Variants in SNTG1 observed in about 807,000 individuals in gnomAD.
SNTG1 encodes syntrophin gamma 1.
SNTG1 carries 39 observed loss-of-function variants against 74.7 expected under a neutral mutation model. The ratio of observed to expected loss-of-function variants is 0.52; its 90% confidence interval spans 0.40 to 0.68. The LOEUF (loss-of-function observed/expected upper bound fraction) is 0.68, where lower values mean the gene tolerates loss of function less well. Among genes scored for constraint, SNTG1 ranks in the 30% least tolerant of loss-of-function variants. The pLI, the probability that SNTG1 is intolerant of heterozygous loss-of-function variation, is 0.00. For synonymous variants in SNTG1, 254 were observed against 217.1 expected, an observed-to-expected ratio of 1.17 and a Z score of -1.49; for missense variants, 685 against 609.5, an observed-to-expected ratio of 1.12 and a Z score of -1.30.
intron 2 of SNTG1, among the ~76,000 whole-genome samples, chr8:50,210,057 T>C (rs1044516979): frequency 2.0e-5 from 3 of 152,124 alleles, no homozygotes; most frequent in African/African-American, 7.2e-5. Context: ...CTGAAAACCA[T>C]GGCACGAGAA....
At chr8:49,929,301 A>G (rs1807332461) in intron 1 of SNTG1, among the ~76,000 whole-genome samples, 1 of 152,198 alleles carries the variant, frequency 6.6e-6, no homozygotes, top group Admixed American at 6.5e-5. Context: ...GACATGATAA[A>G]GGCCAGTGAC....
chr8:50,003,218 C>A (rs1248684093), intron 1 of SNTG1, among the ~76,000 whole-genome samples: 1 of 152,242 alleles, frequency 6.6e-6, no homozygotes, highest in South Asian at 2.1e-4. Context: ...CTGAGTTGTA[C>A]ACTTAAAAGG....
chr8:50,624,223 A>G (rs775680243), intron 13 of SNTG1, among the ~76,000 whole-genome samples: 70 of 152,236 alleles, frequency 4.6e-4, no homozygotes, highest in Non-Finnish European at 7.1e-4. Context: ...TGTTAGAGTA[A>G]CCACTACTGA....
At chr8:50,436,992 G>T (rs2093310428) in intron 4 of SNTG1, among the ~76,000 whole-genome samples, 1 of 152,072 alleles carries the variant, frequency 6.6e-6, no homozygotes, top group Non-Finnish European at 1.5e-5. Flanking sequence ...AGACTTTGTG[G>T]TAGTATTTAA....
chr8:50,112,658 G>A (rs1309898604), intron 1 of SNTG1, among the ~76,000 whole-genome samples: 1 of 151,566 alleles, frequency 6.6e-6, no homozygotes, highest in African/African-American at 2.4e-5. Flanking sequence ...GAGTAGCTGG[G>A]ATTACAGGCC....
At chr8:50,305,624 T>C (rs887921404) in intron 2 of SNTG1, among the ~76,000 whole-genome samples, 3 of 151,932 alleles carry the variant, frequency 2.0e-5, no homozygotes, top group Middle Eastern at 3.2e-3. Flanking sequence ...TTTTTTCCAA[T>C]GTGGAATTTC....
intron 12 of SNTG1, among the ~76,000 whole-genome samples, chr8:50,578,593 G>GACCT (rs1348161649): frequency 1.3e-5 from 2 of 152,154 alleles, no homozygotes; most frequent in Non-Finnish European, 2.9e-5. Context: ...TTGTGGGAGG[G>GACCT]ACCTGATTGT....
intron 1 of SNTG1, among the ~76,000 whole-genome samples, chr8:49,929,817 T>A (rs1012284316): frequency 6.6e-6 from 1 of 151,060 alleles, no homozygotes; most frequent in Non-Finnish European, 1.5e-5. Flanking sequence ...CTGCACCCAC[T>A]AACTCGTCAT....
intron 2 of SNTG1, among the ~76,000 whole-genome samples, chr8:50,307,198 G>C (rs2089935631): frequency 6.6e-6 from 1 of 151,984 alleles, no homozygotes; most frequent in Non-Finnish European, 1.5e-5. Context: ...TCAATCTCTT[G>C]ATTAACCTAT....
intron 5 of SNTG1, among the ~76,000 whole-genome samples, chr8:50,439,638 T>A (rs1224231232): frequency 6.6e-6 from 1 of 151,732 alleles, no homozygotes; most frequent in East Asian, 1.9e-4. Flanking sequence ...CAGGGAGGCA[T>A]GCAGAACAGA....
intron 4 of SNTG1, among the ~76,000 whole-genome samples, chr8:50,405,289 T>C (rs2092858313): frequency 6.6e-6 from 1 of 152,096 alleles, no homozygotes; most frequent in African/African-American, 2.4e-5. Context: ...GGTTCCAAGT[T>C]CTCCACATTC....
Position 50,454,829 on chromosome 8 carries a change from T to TAA in SNTG1, c.363+4121_363+4122dup, listed in dbSNP as rs1158732952. The stretch of plus-strand genomic sequence containing the variant: ...TGCACTCCAGCCTGTCAGACAGAGC[T>TAA]AAAAAAAAAAAAAAAAAAAAAAGAA... On this transcript the variant is annotated intron_variant, in intron 8 of 18. Coordinates refer to ENST00000642720, the MANE Select transcript of SNTG1 (RefSeq NM_018967.5). Among the ~76,000 whole-genome samples the TAA allele has an allele frequency of 6.8e-3, 644 of 95,110 alleles. 30 individuals are homozygous for TAA. Among genetic ancestry groups the TAA allele is most frequent in the East Asian group, 0.035 (101 of 2,926 alleles). 62.4% of individuals were successfully genotyped at this position (95,110 alleles called of 152,430 possible).
intron 1 of SNTG1, among the ~76,000 whole-genome samples, chr8:50,076,872 T>C (rs1563558473): frequency 6.6e-6 from 1 of 152,154 alleles, no homozygotes; most frequent in Non-Finnish European, 1.5e-5. Flanking sequence ...AGTGTGTTTT[T>C]AAAAAACATT....
intron 1 of SNTG1, among the ~76,000 whole-genome samples, chr8:50,087,500 A>G (rs768165651): frequency 6.6e-6 from 1 of 152,176 alleles, no homozygotes; most frequent in Admixed American, 6.5e-5. Context: ...CTTTTCTTGC[A>G]TACCTCTTCC....
intron 8 of SNTG1, among the ~76,000 whole-genome samples, chr8:50,476,833 C>T (rs1190648102): frequency 7.4e-6 from 1 of 135,744 alleles, no homozygotes; most frequent in Non-Finnish European, 1.6e-5. Flanking sequence ...AGGACATACA[C>T]AAAATGAGCC....
At chr8:50,489,257 A>C (rs533008972) in intron 8 of SNTG1, among the ~76,000 whole-genome samples, 1 of 152,124 alleles carries the variant, frequency 6.6e-6, no homozygotes, top group African/African-American at 2.4e-5. Flanking sequence ...TGTCTTTATA[A>C]TAGAATGATT....
intron 1 of SNTG1, among the ~76,000 whole-genome samples, chr8:50,103,192 G>A (rs1196694889): frequency 6.6e-6 from 1 of 152,196 alleles, no homozygotes; most frequent in Non-Finnish European, 1.5e-5. Flanking sequence ...CTACCCATGA[G>A]CATGGAATGT....
intron 11 of SNTG1, among the ~76,000 whole-genome samples, chr8:50,546,322 AAG>A (rs2094387445): frequency 1.3e-5 from 2 of 152,072 alleles, no homozygotes; most frequent in African/African-American, 4.8e-5. Context: ...ATGAGGGGGA[AAG>A]GGGAATATAA....
intron 12 of SNTG1, among the ~76,000 whole-genome samples, chr8:50,573,209 A>G (rs2094558605): frequency 6.6e-6 from 1 of 152,244 alleles, no homozygotes; most frequent in East Asian, 1.9e-4. Context: ...TAAAGAGGTC[A>G]TCAAAGAGAA....
Sources: allele counts gnomAD v4.1 joint callset (sites outside exome capture counted in the v4.1 genomes callset), GRCh38; gene constraint gnomAD v4.1.1; transcripts MANE v1.5; gene names NCBI Gene and HGNC (gene_info 2026-07-23, HGNC 2026-07-21).